AGBL1: variants seen among roughly 807,000 people sequenced by gnomAD.
The protein encoded by AGBL1 is AGBL carboxypeptidase 1, also known as cytosolic carboxypeptidase 4.
AGBL1 carries 130 observed loss-of-function variants against 118.9 expected under a neutral mutation model. The observed-to-expected ratio is 1.09, with a 90% CI of 0.95 to 1.26. The LOEUF is 1.26. Among genes scored for constraint, AGBL1 ranks in the 50% most tolerant of loss-of-function variants. The probability of loss-of-function intolerance (pLI) is 0.00; values close to 1 mark genes in which losing one functional copy is unlikely to be tolerated. For missense variants in AGBL1, 1,584 were observed against 1,298.1 expected, an observed-to-expected ratio of 1.22 and a Z score of -3.38; for synonymous variants, 555 against 478.9, an observed-to-expected ratio of 1.16 and a Z score of -2.08.
chr15:86,191,162 G>T (rs2077712629), intron 5 of AGBL1, among the ~76,000 whole-genome samples: 1 of 146,540 alleles, frequency 6.8e-6, no homozygotes, highest in African/African-American at 2.5e-5. Context: ...TGGCAACATG[G>T]TGAAACCCCC....
chr15:86,560,071 A>G (rs1387344454), intron 21 of AGBL1, among the ~76,000 whole-genome samples: 1 of 152,100 alleles, frequency 6.6e-6, no homozygotes, highest in Non-Finnish European at 1.5e-5. Flanking sequence ...CTTATGGATC[A>G]CCCAGACCAG....
At chr15:86,640,918 A>T (rs2085179092) in intron 21 of AGBL1, among the ~76,000 whole-genome samples, 1 of 152,124 alleles carries the variant, frequency 6.6e-6, no homozygotes, top group Admixed American at 6.6e-5. Flanking sequence ...ATTATTTGAT[A>T]CAAAAATATT....
chr15:87,008,975 GA>G (rs1418020379), intron 24 of AGBL1, among the ~76,000 whole-genome samples: 1 of 152,150 alleles, frequency 6.6e-6, no homozygotes, highest in Non-Finnish European at 1.5e-5. Flanking sequence ...TAAAAGTTTG[GA>G]AAATTTGCAG....
rs538484878 is a variant in AGBL1 at position 86,113,277 on chromosome 15, T to C, written c.52-28727T>C. On this transcript the variant is annotated intron_variant, in intron 1 of 22. Coordinates refer to ENST00000614907, the MANE Select transcript of AGBL1 (RefSeq NM_001386094.1). ...CTTTTCTTTCTTTCTTTCTTTCTTT[T>C]TCTTTCTTTCTTTTTTTTTTTTTTT... 1.7e-4 allele frequency among the ~76,000 whole-genome samples: 23 copies of C among 136,672 alleles called. 1 individual carries two copies. In the East Asian group the frequency reaches 3.4e-3, roughly 20 times the overall value. 89.7% of individuals were successfully genotyped at this position (136,672 alleles called of 152,430 possible). A position where few individuals can be genotyped will look rare whatever the true frequency, so the allele number is the denominator to read the frequency against.
intron 21 of AGBL1, among the ~76,000 whole-genome samples, chr15:86,627,905 T>C (rs1414837400): frequency 6.6e-6 from 1 of 152,206 alleles, no homozygotes; most frequent in Non-Finnish European, 1.5e-5. Flanking sequence ...TGTGTATTTG[T>C]AGCCTCCAAC....
intron 1 of AGBL1, among the ~76,000 whole-genome samples, chr15:86,093,339 G>A (rs896712200): frequency 9.2e-5 from 14 of 152,132 alleles, no homozygotes; most frequent in African/African-American, 2.4e-4. Flanking sequence ...TGTCATATGA[G>A]GCCCTGTATT....
At chr15:86,192,316 T>C (rs568187268) in intron 5 of AGBL1, among the ~76,000 whole-genome samples, 3 of 149,998 alleles carry the variant, frequency 2.0e-5, no homozygotes, top group Admixed American at 6.7e-5. Flanking sequence ...TTATTATATA[T>C]TTATATAAAT....
At chr15:86,188,596 A>G (rs988625727) in intron 5 of AGBL1, among the ~76,000 whole-genome samples, 1 of 152,228 alleles carries the variant, frequency 6.6e-6, no homozygotes, top group African/African-American at 2.4e-5. Flanking sequence ...AGTGCTGAAA[A>G]GGGGTGTGAT....
At chr15:86,279,874 T>A (rs1429445785) in intron 16 of AGBL1, 91 bp downstream of exon 16, 6 of 1,495,512 alleles carry the variant, frequency 4.0e-6, no homozygotes, top group African/African-American at 2.8e-5. Flanking sequence ...GACATCCTGA[T>A]GGGGTGCAGA....
At position 86,437,789 on chromosome 15, in the gene AGBL1, G is replaced by T. The variant is rs532592926; in HGVS notation, c.2555+40243G>T. On this transcript the variant is annotated intron_variant, in intron 18 of 22. Coordinates refer to ENST00000614907, the MANE Select transcript of AGBL1 (RefSeq NM_001386094.1). ...CTGTTTCTATCATGAGTGGCGTGTA[G>T]AGTGGATGAGCTCATGCCATCTGAG... Among the ~76,000 whole-genome samples the T allele has an allele frequency of 3.3e-5, 5 of 152,292 alleles. No individual in the cohort carries two copies. In the East Asian group the frequency reaches 7.7e-4, roughly 24 times the overall value.
intron 22 of AGBL1, among the ~76,000 whole-genome samples, chr15:86,872,326 A>C (rs1015803355): frequency 6.6e-6 from 1 of 152,250 alleles, no homozygotes; most frequent in Non-Finnish European, 1.5e-5. Flanking sequence ...CAAGCTGATG[A>C]AACAATTTGA....
chr15:86,477,753 A>C (rs762968960), intron 18 of AGBL1, among the ~76,000 whole-genome samples: 6 of 152,212 alleles, frequency 3.9e-5, no homozygotes, highest in Admixed American at 6.5e-5. Flanking sequence ...TCGTTCTGAG[A>C]CCAAAGCCTG....
chr15:86,422,904 G>T (rs116918932), intron 18 of AGBL1, among the ~76,000 whole-genome samples: 1 of 152,020 alleles, frequency 6.6e-6, no homozygotes, highest in African/African-American at 2.4e-5. Flanking sequence ...GGAAGAAGTC[G>T]AATAGACTAA....
chr15:86,586,594 A>G (rs1596291874), intron 21 of AGBL1, among the ~76,000 whole-genome samples: 1 of 152,198 alleles, frequency 6.6e-6, no homozygotes, highest in South Asian at 2.1e-4. Flanking sequence ...CCAGGAAAAC[A>G]GTCTCAAGAG....
At chr15:86,763,299 AT>A (rs1255346490) in intron 22 of AGBL1, among the ~76,000 whole-genome samples, 28 of 152,154 alleles carry the variant, frequency 1.8e-4, no homozygotes, top group African/African-American at 6.7e-4. Context: ...AATGTTTTAG[AT>A]TATTTGTGGG....
At chr15:86,635,845 T>C (rs1287103115) in intron 21 of AGBL1, among the ~76,000 whole-genome samples, 1 of 152,184 alleles carries the variant, frequency 6.6e-6, no homozygotes, top group Non-Finnish European at 1.5e-5. Flanking sequence ...CATTCCTCTC[T>C]CCTCTCAGTG....
intron 7 of AGBL1, among the ~76,000 whole-genome samples, chr15:86,249,473 T>G (rs976684144): frequency 6.6e-5 from 10 of 152,196 alleles, no homozygotes; most frequent in Admixed American, 2.0e-4. Flanking sequence ...CACCTCTGGG[T>G]TTCTTTCCAT....
chr15:86,925,736 AT>A (rs889514394), intron 23 of AGBL1, among the ~76,000 whole-genome samples: 1 of 67,748 alleles, frequency 1.5e-5, no homozygotes, highest in Non-Finnish European at 3.2e-5. Flanking sequence ...TTTTTTTTTT[AT>A]TTTTTATTTT....
chr15:86,556,369 G>T (rs769558643), intron 21 of AGBL1: 3 of 1,222,686 alleles, frequency 2.5e-6, no homozygotes, highest in Non-Finnish European at 2.4e-6. Context: ...GGGAGAACTG[G>T]CTAGAGAAAG....
Sources: allele counts gnomAD v4.1 joint callset (sites outside exome capture counted in the v4.1 genomes callset), GRCh38; gene constraint gnomAD v4.1.1; transcripts MANE v1.5; gene names NCBI Gene and HGNC (gene_info 2026-07-23, HGNC 2026-07-21).